Variants in DCC observed in about 807,000 individuals in gnomAD.
DCC encodes DCC netrin 1 receptor, also known as netrin receptor DCC.
Under a neutral mutation model 172.5 loss-of-function variants are expected in DCC, and 58 were observed. The ratio of observed to expected loss-of-function variants is 0.34; its 90% CI spans 0.27 to 0.42. The LOEUF (loss-of-function observed/expected upper bound fraction) is 0.42, where lower values mean the gene tolerates loss of function less well. DCC is among the 10% of genes least tolerant of loss of function. The pLI is 1.00. For synonymous variants in DCC, 709 were observed against 644.5 expected, an observed-to-expected ratio of 1.10 and a Z score of -1.52; for missense variants, 1,740 against 1,791.0, an observed-to-expected ratio of 0.97 and a Z score of 0.51.
intron 1 of DCC, among the ~76,000 whole-genome samples, chr18:52,441,357 G>A (rs554019807): frequency 6.6e-5 from 10 of 152,244 alleles, no homozygotes; most frequent in East Asian, 3.9e-4. Context: ...AAAAGAGTCC[G>A]ATATCTGTTT....
intron 1 of DCC, among the ~76,000 whole-genome samples, chr18:52,642,014 GTATATATATATATATATATATA>G (rs1193018662): frequency 1.2e-4 from 4 of 34,504 alleles, no homozygotes; most frequent in Admixed American, 2.6e-4. Flanking sequence ...GTGTGTGTGT[GTATATATATATATATATATATA>G]TATATATATA....
intron 1 of DCC, among the ~76,000 whole-genome samples, chr18:52,691,059 A>T (rs956359897): frequency 9.9e-5 from 15 of 152,160 alleles, no homozygotes; most frequent in African/African-American, 3.6e-4. Context: ...TGTCACTGCC[A>T]TGTACCCCAG....
At chr18:52,440,977 A>G (rs1987953404) in intron 1 of DCC, among the ~76,000 whole-genome samples, 1 of 152,250 alleles carries the variant, frequency 6.6e-6, no homozygotes, top group South Asian at 2.1e-4. Flanking sequence ...TATAAACCAC[A>G]GATACTGGTA....
At chr18:52,960,251 TTTATCAAGTAAATATCCCTGA>T (rs1448041530) in intron 5 of DCC, among the ~76,000 whole-genome samples, 1 of 152,146 alleles carries the variant, frequency 6.6e-6, no homozygotes, top group Non-Finnish European at 1.5e-5. Flanking sequence ...AGGGAAAACT[TTTATCAAGTAAATATCCCTGA>T]AGGATTTTCC....
At chr18:53,191,536 A>G (rs12957781) in intron 9 of DCC, among the ~76,000 whole-genome samples, 6,751 of 152,208 alleles carry the variant, frequency 0.044, 184 homozygotes, top group East Asian at 0.11. Flanking sequence ...TTTAAATTAC[A>G]TGTATTTGTA....
chr18:52,780,033 G>C (rs2037506222), intron 2 of DCC, among the ~76,000 whole-genome samples: 1 of 150,946 alleles, frequency 6.6e-6, no homozygotes, highest in Admixed American at 6.6e-5. Flanking sequence ...TCCAATCTAT[G>C]GATATAATTT....
chr18:53,306,226 C>A (rs911017754), intron 13 of DCC, among the ~76,000 whole-genome samples: 2 of 152,106 alleles, frequency 1.3e-5, no homozygotes, highest in Admixed American at 6.5e-5. Context: ...AGTAGATCAA[C>A]CTTCTCTATG....
At chr18:53,338,285 T>C (rs963319547) in intron 14 of DCC, among the ~76,000 whole-genome samples, 4 of 152,164 alleles carry the variant, frequency 2.6e-5, no homozygotes, top group Non-Finnish European at 4.4e-5. Flanking sequence ...GGCTCACACC[T>C]CAAACATAAT....
At chr18:53,005,431 C>G (rs191678170) in intron 5 of DCC, among the ~76,000 whole-genome samples, 1 of 152,092 alleles carries the variant, frequency 6.6e-6, no homozygotes, top group African/African-American at 2.4e-5. Flanking sequence ...GTTTGAAATG[C>G]CTACTTATAA....
chr18:52,619,036 C>T (rs1231535285), intron 1 of DCC, among the ~76,000 whole-genome samples: 1 of 152,140 alleles, frequency 6.6e-6, no homozygotes, highest in African/African-American at 2.4e-5. Context: ...CTCCCAGGCT[C>T]AAGCAATTCT....
At chr18:52,858,270 T>C (rs1022059321) in intron 2 of DCC, among the ~76,000 whole-genome samples, 4 of 152,174 alleles carry the variant, frequency 2.6e-5, no homozygotes, top group African/African-American at 9.7e-5. Flanking sequence ...TGAAATGGTA[T>C]TAGAAATCAG....
chr18:53,426,388 T>C (rs1910953769), intron 21 of DCC, among the ~76,000 whole-genome samples: 1 of 142,436 alleles, frequency 7.0e-6, no homozygotes. Context: ...TTATATATCA[T>C]ATATATTTAT....
intron 2 of DCC, among the ~76,000 whole-genome samples, chr18:52,819,858 A>G (rs9946140): frequency 0.046 from 7,025 of 151,946 alleles, 249 homozygotes; most frequent in South Asian, 0.17. Flanking sequence ...AGCTGGGACT[A>G]CAGGTGCCCA....
intron 15 of DCC, among the ~76,000 whole-genome samples, chr18:53,353,213 G>T (rs2057832795): frequency 6.6e-6 from 1 of 150,990 alleles, no homozygotes; most frequent in Non-Finnish European, 1.5e-5. Context: ...GGCAGAGGTT[G>T]CAGTAAGCCG....
At chr18:52,779,859 G>A (rs2037502471) in intron 2 of DCC, among the ~76,000 whole-genome samples, 1 of 152,192 alleles carries the variant, frequency 6.6e-6, no homozygotes, top group South Asian at 2.1e-4. Flanking sequence ...ACTGGCATGA[G>A]ATGGTATCTA....
At chr18:52,995,164 C>T (rs1159713217) in intron 5 of DCC, among the ~76,000 whole-genome samples, 2 of 152,078 alleles carry the variant, frequency 1.3e-5, no homozygotes, top group African/African-American at 4.8e-5. Context: ...TTTAAGAAAA[C>T]AAATGCCTCT....
intron 1 of DCC, among the ~76,000 whole-genome samples, chr18:52,541,324 T>C (rs912586175): frequency 6.6e-6 from 1 of 152,246 alleles, no homozygotes; most frequent in South Asian, 2.1e-4. Context: ...GCTGTGAAGA[T>C]AATTTTAATT....
At chr18:52,793,069 C>T (rs2145209842) in intron 2 of DCC, among the ~76,000 whole-genome samples, 1 of 152,262 alleles carries the variant, frequency 6.6e-6, no homozygotes, top group Non-Finnish European at 1.5e-5. Flanking sequence ...TGGTGGCAGA[C>T]TGCAGCAGAT....
intron 7 of DCC, among the ~76,000 whole-genome samples, chr18:53,121,407 C>T (rs2043481896): frequency 6.6e-6 from 1 of 151,860 alleles, no homozygotes. Flanking sequence ...TTGTTTCTTG[C>T]ATTTTTGATC....
Sources: gnomAD v4.1 joint callset for allele counts (sites outside exome capture counted in the v4.1 genomes callset) on GRCh38, gnomAD v4.1.1 for gene constraint, MANE v1.5 for transcripts, NCBI Gene and HGNC (gene_info 2026-07-23, HGNC 2026-07-21) for gene names.